SHPK: variants seen among roughly 807,000 people sequenced by gnomAD.
The protein encoded by SHPK is carbohydrate kinase-like protein.
Under a neutral mutation model 46.3 loss-of-function variants are expected in SHPK, and 51 were observed. The observed-to-expected ratio is 1.10, with a 90% CI of 0.88 to 1.39. SHPK has a LOEUF of 1.39. SHPK is among the 40% of genes most tolerant of loss of function. SHPK has a pLI of 0.00. For synonymous variants in SHPK, 290 were observed against 273.9 expected, an observed-to-expected ratio of 1.06 and a Z score of -0.58; for missense variants, 668 against 641.3, an observed-to-expected ratio of 1.04 and a Z score of -0.45.
rs1364965654 is a variant in SHPK, at chr17:3,624,102, A to G, written c.440T>C (p.Leu147Pro). The G allele has an allele frequency of 6.2e-7, 1 of 1,614,104 alleles. No individual in the cohort carries two copies. ...LASLPQPKSHLSVATGFGCAT... is the reference protein window; with the variant it reads ...LASLPQPKSHPSVATGFGCAT... ...ACAGCCGAAGCCCGTGGCCACACTG[A>G]GATGAGACTTCGGCTGGGGCAGAGA... Residue 147 changes from leucine to proline, a missense_variant, in exon 3 of 7, where the codon CTC (leucine) becomes CCC (proline). Physicochemically the swap from Leu to Pro is moderately conservative, Grantham distance 98. Transcript: ENST00000225519.
intron 1 of SHPK, 151 bp from the exon 2 acceptor site, chr17:3,630,497 A>G: frequency 1.3e-6 from 1 of 782,182 alleles, no homozygotes; most frequent in South Asian, 1.8e-5. Flanking sequence ...GAGTTGCAGC[A>G]AACTGCCTGG....
intron 1 of SHPK, among the ~76,000 whole-genome samples, chr17:3,634,105 C>T (rs1230869799): frequency 1.3e-5 from 2 of 149,382 alleles, no homozygotes; most frequent in African/African-American, 2.5e-5. Context: ...TCCCTAATCT[C>T]AAGTACCCAG....
intron 6 of SHPK, among the ~76,000 whole-genome samples, chr17:3,612,753 CTTT>C (rs34497996): frequency 1.1e-4 from 14 of 132,846 alleles, no homozygotes; most frequent in South Asian, 2.5e-4. Flanking sequence ...ACTCAGGGAT[CTTT>C]TTTTTTTTTT....
intron 6 of SHPK, among the ~76,000 whole-genome samples, chr17:3,614,368 C>T (rs573416275): frequency 6.6e-6 from 1 of 151,582 alleles, no homozygotes; most frequent in African/African-American, 2.4e-5. Context: ...ACTAAAAATA[C>T]AAAAAAATTA....
At chr17:3,617,389 T>A (rs1026075539) in intron 5 of SHPK, among the ~76,000 whole-genome samples, 3 of 152,170 alleles carry the variant, frequency 2.0e-5, no homozygotes, top group Non-Finnish European at 4.4e-5. Flanking sequence ...TGGGCATTTT[T>A]AAATCTGGAC....
intron 4 of SHPK, among the ~76,000 whole-genome samples, chr17:3,622,279 G>A (rs2075407838): frequency 6.6e-6 from 1 of 152,190 alleles, no homozygotes; most frequent in African/African-American, 2.4e-5. Context: ...AGAGTACACT[G>A]GCTTTCATAA....
At chr17:3,624,708 C>A (rs1005471210) in intron 2 of SHPK, among the ~76,000 whole-genome samples, 16 of 152,144 alleles carry the variant, frequency 1.1e-4, no homozygotes, top group African/African-American at 3.4e-4. Context: ...GGTTGGAATG[C>A]AGTGGCATGA....
At chr17:3,624,696 CA>C (rs1253065197) in intron 2 of SHPK, among the ~76,000 whole-genome samples, 1 of 151,958 alleles carries the variant, frequency 6.6e-6, no homozygotes, top group Non-Finnish European at 1.5e-5. Context: ...TTGTGTCCCC[CA>C]GGTTGGAATG....
chr17:3,625,856 C>T (rs767931154), intron 2 of SHPK, among the ~76,000 whole-genome samples: 35 of 152,148 alleles, frequency 2.3e-4, no homozygotes, highest in Admixed American at 1.4e-3. Flanking sequence ...AGTTCGAGAC[C>T]AGCCTGGACA....
chr17:3,621,213 G>A, intron 5 of SHPK, 24 bp downstream of exon 5: 2 of 1,571,854 alleles, frequency 1.3e-6, no homozygotes, highest in Non-Finnish European at 1.7e-6. Flanking sequence ...GTAAGTCTGA[G>A]GACAGAACAA....
At chr17:3,632,305 T>A (rs2075477611) in intron 1 of SHPK, among the ~76,000 whole-genome samples, 1 of 152,300 alleles carries the variant, frequency 6.6e-6, no homozygotes, top group East Asian at 1.9e-4. Flanking sequence ...TCCTCCCAGC[T>A]GGGCGCAGCG....
chr17:3,616,269 G>A (rs1387216946), intron 5 of SHPK, among the ~76,000 whole-genome samples: 2 of 152,160 alleles, frequency 1.3e-5, no homozygotes, highest in African/African-American at 2.4e-5. Flanking sequence ...TGCCTTCAGA[G>A]GCTAAGTCAT....
At chr17:3,622,433 CCCAAA>C in intron 4 of SHPK, 1 of 279,078 alleles carries the variant, frequency 3.6e-6, no homozygotes, top group Non-Finnish European at 5.4e-6. Flanking sequence ...GTGAGCACAG[CCCAAA>C]CCAAAGTCAA....
At chr17:3,625,818 C>T (rs1302392703) in intron 2 of SHPK, among the ~76,000 whole-genome samples, 9 of 152,112 alleles carry the variant, frequency 5.9e-5, no homozygotes, top group Non-Finnish European at 8.8e-5. Flanking sequence ...TTCGGGAGGC[C>T]AAGGTGGGCG....
Position 3,621,391 on chromosome 17 carries a change from A to G in SHPK, c.669T>C (p.Pro223=), listed in dbSNP as rs1234625667. 5 of 1,613,984 alleles carry G rather than the reference A, an allele frequency of 3.1e-6. No homozygotes were observed. Among genetic ancestry groups the G allele is most frequent in the South Asian group, 1.1e-5 (1 of 91,068 alleles). Residue 223 remains proline, a synonymous_variant, in exon 5 of 7, where the codon CCT becomes CCC. Coordinates refer to ENST00000225519, the MANE Select transcript of SHPK (RefSeq NM_013276.4). ...NVETLRSSGF[P]VHLLPDIAEP... ...CGGCGATGTCTGGGAGCAGGTGGAC[A>G]GGAAAACCCGAGCTCCTCAGTCTGT...
chr17:3,627,357 C>A (rs534190705), intron 2 of SHPK, among the ~76,000 whole-genome samples: 2 of 152,138 alleles, frequency 1.3e-5, no homozygotes, highest in East Asian at 1.9e-4. Flanking sequence ...CCCTCCAGCT[C>A]GCTCCGGGTG....
intron 5 of SHPK, among the ~76,000 whole-genome samples, chr17:3,620,069 C>T (rs1184209162): frequency 6.6e-6 from 1 of 152,174 alleles, no homozygotes; most frequent in Admixed American, 6.6e-5. Context: ...ATTTACATAT[C>T]GTCTATGGCT....
intron 5 of SHPK, 58 bp from the exon 6 acceptor site, chr17:3,615,595 C>T: frequency 1.3e-6 from 2 of 1,509,998 alleles, no homozygotes; most frequent in East Asian, 2.3e-5. Context: ...GGTCACAAGT[C>T]ACAGTTTGGC....
intron 1 of SHPK, among the ~76,000 whole-genome samples, chr17:3,632,104 G>A (rs368850642): frequency 6.6e-5 from 10 of 151,314 alleles, no homozygotes; most frequent in South Asian, 2.1e-4. Flanking sequence ...CTATAGGTGC[G>A]CGCCACCACA....
Sources: gnomAD v4.1 joint callset for allele counts (sites outside exome capture counted in the v4.1 genomes callset) on GRCh38, gnomAD v4.1.1 for gene constraint, MANE v1.5 for transcripts, NCBI Gene and HGNC (gene_info 2026-07-23, HGNC 2026-07-21) for gene names.